ARID1A: variants seen among roughly 807,000 people sequenced by gnomAD.
ARID1A encodes the protein AT-rich interactive domain-containing protein 1A.
A neutral mutation model predicts 212.6 loss-of-function variants in ARID1A; 20 were observed. The observed-to-expected ratio is 0.09, with a 90% CI of 0.07 to 0.14. ARID1A has a LOEUF of 0.14. Among genes scored for constraint, ARID1A ranks in the 10% least tolerant of loss-of-function variants. The probability of loss-of-function intolerance (pLI) is 1.00; values close to 1 mark genes in which losing one functional copy is unlikely to be tolerated. For synonymous variants in ARID1A, 1,376 were observed against 1,222.1 expected (o/e 1.13, Z -2.63); for missense variants, 2,587 against 3,059.0 (o/e 0.85, Z 3.64).
At position 26,704,658 on chromosome 1, in the gene ARID1A, T is replaced by G. The variant is rs202232629; in HGVS notation, c.1137+7118T>G. Among the ~76,000 whole-genome samples the G allele has an allele frequency of 5.9e-5, 9 of 152,222 alleles. No homozygotes were observed. In the East Asian group the frequency reaches 1.7e-3, roughly 29 times the overall value. On this transcript the variant is annotated intron_variant, in intron 1 of 19. Transcript: ENST00000324856. ...GGATTGCCCAAGCCCAGGACCAGCCTTGGGACCAGGCTATTAACATAGGGA... is the reference window on the plus strand; with the variant it reads ...GGATTGCCCAAGCCCAGGACCAGCCGTGGGACCAGGCTATTAACATAGGGA...
Position 26,729,744 on chromosome 1 carries a change from C to G in ARID1A, c.1231C>G (p.Pro411Ala), listed in dbSNP as rs765662505. 1 of 1,614,124 alleles carries G rather than the reference C, an allele frequency of 6.2e-7. No homozygotes were observed. The highest frequency in any genetic ancestry group is 8.5e-7 in the Non-Finnish European group (1 of 1,180,052). The change falls in exon 2 of 20, where the codon CCG becomes GCG. Residue 411 changes from proline (P) to alanine (A), a missense_variant. Pro to Ala is a conservative substitution (Grantham distance 27, BLOSUM62 -1). This residue lies in a region of ARID1A where 674 missense variants were observed against 813.4 expected (regional missense o/e 0.83). Coordinates refer to ENST00000324856, the MANE Select transcript of ARID1A (RefSeq NM_006015.6). The part of the protein sequence containing the change: ...YSQQQGPPSG[P>A]QQGHGYPGQP... Reference sequence around the variant, plus strand: ...GCAGCAACAGGGACCTCCGTCAGGACCGCAGCAAGGACATGGGTACCCAGG... The same window carrying G: ...GCAGCAACAGGGACCTCCGTCAGGAGCGCAGCAAGGACATGGGTACCCAGG...
rs1238023708 is a variant in ARID1A at position 26,696,767 on chromosome 1, G to C, written c.364G>C (p.Gly122Arg). The C allele has an allele frequency of 7.4e-7, 1 of 1,343,804 alleles. No homozygotes were observed. The highest frequency in any genetic ancestry group is 9.5e-7 in the Non-Finnish European group (1 of 1,051,902). The allele number at this position is 1,343,804 out of a possible 1,614,324, so 83.2% of individuals were successfully genotyped here. The change falls in exon 1 of 20, where the codon GGC becomes CGC. Residue 122 changes from glycine to arginine, a missense_variant. Physicochemically the swap from Gly to Arg is moderately radical, Grantham distance 125. Around this residue, in one of 11 missense-constraint regions of ARID1A, gnomAD observed 735 missense variants for 590.6 expected, o/e 1.24. Coordinates refer to ENST00000324856, the MANE Select transcript of ARID1A (RefSeq NM_006015.6). The part of the protein sequence containing the change: ...ALNNNLTEPP[G>R]GGGGGSSDGV... ...GAACAATAACCTCACGGAGCCGCCC[G>C]GCGGCGGCGGTGGCGGCAGCAGCGA... is the stretch of plus-strand genomic sequence containing the variant.
intron 4 of ARID1A, among the ~76,000 whole-genome samples, chr1:26,735,846 C>T (rs1174594134): frequency 1.3e-5 from 2 of 152,104 alleles, no homozygotes; most frequent in Non-Finnish European, 2.9e-5. Context: ...CTATTTTTTG[C>T]TTTCAGACCT....
At chr1:26,704,279 T>G (rs981844501) in intron 1 of ARID1A, among the ~76,000 whole-genome samples, 5 of 152,122 alleles carry the variant, frequency 3.3e-5, no homozygotes, top group African/African-American at 1.2e-4. Context: ...TCTAGTAAAT[T>G]TGGATTTGGA....
At position 26,771,446 on chromosome 1, in the gene ARID1A, G is replaced by A; in HGVS notation, c.3406+120G>A. The A allele has an allele frequency of 8.7e-7, 1 of 1,151,428 alleles. No individual in the cohort carries two copies. Among genetic ancestry groups the A allele is most frequent in the South Asian group, 1.5e-5 (1 of 65,102 alleles). 71.3% of individuals were successfully genotyped at this position (1,151,428 alleles called of 1,614,324 possible). A position where few individuals can be genotyped will look rare whatever the true frequency, so the allele number is the denominator to read the frequency against. On this transcript the variant is annotated intron_variant, in intron 12 of 19. Coordinates refer to ENST00000324856, the MANE Select transcript of ARID1A (RefSeq NM_006015.6). The surrounding 1 kb of genome is among the most constrained non-coding windows in gnomAD (Gnocchi z 5.4). Reference sequence around the variant, plus strand: ...ATGCCAAGGATCTGTGCTCTGCCTTGCCCTACCACAGGGCTTAACAGGTTG... The same window carrying A: ...ATGCCAAGGATCTGTGCTCTGCCTTACCCTACCACAGGGCTTAACAGGTTG...
Position 26,779,053 on chromosome 1 carries a change from T to C in ARID1A, c.5155T>C (p.Tyr1719His), listed in dbSNP as rs767562025. The C allele has an allele frequency of 1.3e-6, 2 of 1,509,718 alleles. No homozygotes were observed. The highest frequency in any genetic ancestry group is 1.8e-6 in the Non-Finnish European group (2 of 1,129,060). 93.5% of individuals were successfully genotyped at this position (1,509,718 alleles called of 1,614,324 possible). A position where few individuals can be genotyped will look rare whatever the true frequency, so the allele number is the denominator to read the frequency against. ...AGGGTTGCTAGAGCTCCTTGTAGAA[T>C]ATTTCCGACGATGCCTGATTGAGAT... is the stretch of plus-strand genomic sequence containing the variant. ...LPGLLELLVE[Y>H]FRRCLIEIFG... is the part of the protein sequence containing the mutation. The change falls in exon 20 of 20, where the codon TAT becomes CAT. Residue 1719 changes from tyrosine (Y) to histidine (H), a missense_variant. This residue lies in a region of ARID1A where 890 missense variants were observed against 1,098.2 expected (regional missense o/e 0.81). Transcript: ENST00000324856.
intron 1 of ARID1A, among the ~76,000 whole-genome samples, chr1:26,716,926 A>G (rs920608185): frequency 1.8e-4 from 28 of 152,108 alleles, no homozygotes; most frequent in African/African-American, 6.3e-4. Flanking sequence ...GTGCCTGGCC[A>G]GGAAGGCTCT....
rs2080814553 is a variant in ARID1A at position 26,744,114 on chromosome 1, C to A, written c.1920+11322C>A. On this transcript the variant is annotated intron_variant, in intron 4 of 19. Coordinates refer to ENST00000324856, the MANE Select transcript of ARID1A (RefSeq NM_006015.6). Reference sequence around the variant, plus strand: ...TCATATCTGCCCAGACTGCTAAGAGCAGCATGTACCCTGTGCATGTAGCCA... The same window carrying A: ...TCATATCTGCCCAGACTGCTAAGAGAAGCATGTACCCTGTGCATGTAGCCA... 3.9e-5 allele frequency among the ~76,000 whole-genome samples: 6 copies of A among 152,158 alleles called. No homozygotes were observed. The South Asian group carries it at 1.2e-3, about 32-fold the overall frequency.
chr1:26,743,860 C>T (rs532603799), intron 4 of ARID1A, among the ~76,000 whole-genome samples: 10 of 151,732 alleles, frequency 6.6e-5, no homozygotes, highest in African/African-American at 2.4e-4. Context: ...TTGTTCATTT[C>T]ATGATAGAAG....
intron 4 of ARID1A, chr1:26,753,152 T>C (rs924943126): frequency 1.3e-5 from 2 of 152,284 alleles, no homozygotes; most frequent in African/African-American, 4.8e-5. Context: ...CTTAAAAATA[T>C]TCTTCAGTGG....
Position 26,771,437 on chromosome 1 carries a change from C to T in ARID1A, c.3406+111C>T. 8.2e-7 allele frequency: 1 copy of T among 1,216,612 alleles called. No individual in the cohort carries two copies. Among genetic ancestry groups the T allele is most frequent in the Non-Finnish European group, 1.2e-6 (1 of 868,370 alleles). The allele number at this position is 1,216,612 out of a possible 1,614,324, so 75.4% of individuals were successfully genotyped here. ...CAACAGGATATGCCAAGGATCTGTG[C>T]TCTGCCTTGCCCTACCACAGGGCTT... On this transcript the variant is annotated intron_variant, in intron 12 of 19. Transcript: ENST00000324856. The surrounding 1 kb of genome is among the most constrained non-coding windows in gnomAD (Gnocchi z 5.4).
chr1:26,746,576 G>T (rs2080836960), intron 4 of ARID1A, among the ~76,000 whole-genome samples: 1 of 152,192 alleles, frequency 6.6e-6, no homozygotes. Flanking sequence ...GCCCAGAGGG[G>T]AGGACCTGTA....
chr1:26,717,483 A>G (rs2080514517), intron 1 of ARID1A, among the ~76,000 whole-genome samples: 1 of 152,332 alleles, frequency 6.6e-6, no homozygotes, highest in South Asian at 2.1e-4. Context: ...CAAAAAGTAC[A>G]GCCTAAATTT....
chr1:26,709,383 C>G (rs1270095259), intron 1 of ARID1A, among the ~76,000 whole-genome samples: 2 of 152,238 alleles, frequency 1.3e-5, no homozygotes, highest in South Asian at 2.1e-4. Context: ...TTCTCCTCCC[C>G]TGCACCCAGC....
chr1:26,748,608 CT>C (rs36087588), intron 4 of ARID1A, among the ~76,000 whole-genome samples: 8,842 of 117,640 alleles, frequency 0.075, 159 homozygotes, highest in Admixed American at 0.091. Flanking sequence ...GACCCAGATT[CT>C]TTTTTTTTTT....
intron 3 of ARID1A, among the ~76,000 whole-genome samples, chr1:26,732,005 C>T (rs914721546): frequency 5.3e-5 from 8 of 152,130 alleles, no homozygotes; most frequent in African/African-American, 1.9e-4. Flanking sequence ...AACTGCCATT[C>T]CATTCTGCTA....
rs1473573912 is a variant in ARID1A at position 26,747,702 on chromosome 1, T to A, written c.1921-13154T>A. 1.5e-4 allele frequency among the ~76,000 whole-genome samples: 21 copies of A among 138,874 alleles called. No individual in the cohort carries two copies. In the East Asian group the frequency reaches 1.8e-3, roughly 12 times the overall value. The allele number at this position is 138,874 out of a possible 152,430, so 91.1% of individuals were successfully genotyped here. Reference sequence around the variant, plus strand: ...TCTCTACCAAAAAAAAAAAAAAAAATAGTTGGCCATGGTGGTGCATGCCTG... The same window carrying A: ...TCTCTACCAAAAAAAAAAAAAAAAAAAGTTGGCCATGGTGGTGCATGCCTG... On this transcript the variant is annotated intron_variant, in intron 4 of 19. Coordinates refer to ENST00000324856, the MANE Select transcript of ARID1A (RefSeq NM_006015.6).
At chr1:26,752,367 C>T (rs577399998) in intron 4 of ARID1A, among the ~76,000 whole-genome samples, 1 of 152,272 alleles carries the variant, frequency 6.6e-6, no homozygotes, top group African/African-American at 2.4e-5. Context: ...GGAGTCCCTA[C>T]CAGTCTGGGG....
chr1:26,757,295 G>A (rs1231747487), intron 4 of ARID1A, among the ~76,000 whole-genome samples: 14 of 147,306 alleles, frequency 9.5e-5, no homozygotes, highest in African/African-American at 1.8e-4. Flanking sequence ...GTGAAACCCC[G>A]TCTCTACTAA....
Sources: gnomAD v4.1 joint callset for allele counts (sites outside exome capture counted in the v4.1 genomes callset) on GRCh38, gnomAD v4.1.1 for gene constraint, gnomAD v4.1.1 regional missense constraint, Gnocchi (gnomAD v3.1) non-coding constraint, MANE v1.5 for transcripts, NCBI Gene and HGNC (gene_info 2026-07-23, HGNC 2026-07-21) for gene names.